Variants in DOCK1 observed in about 807,000 individuals in gnomAD.
DOCK1 encodes dedicator of cytokinesis protein 1.
DOCK1 carries 138 observed loss-of-function variants against 262.7 expected under a neutral mutation model. The observed-to-expected ratio is 0.53, with a 90% CI of 0.46 to 0.61. DOCK1 has a LOEUF of 0.61. DOCK1 is among the 20% of genes least tolerant of loss of function. The pLI, the probability that DOCK1 is intolerant of heterozygous loss-of-function variation, is 0.00. For synonymous variants in DOCK1, 866 were observed against 867.4 expected (o/e 1.00, Z 0.03); for missense variants, 1,908 against 2,370.7 (o/e 0.80, Z 4.05).
intron 38 of DOCK1, among the ~76,000 whole-genome samples, chr10:127,400,227 A>C (rs998096111): frequency 6.6e-6 from 1 of 150,944 alleles, no homozygotes; most frequent in Admixed American, 6.6e-5. Context: ...CGTGGCTATG[A>C]CAAGAGTACT....
intron 33 of DOCK1, among the ~76,000 whole-genome samples, chr10:127,373,226 C>G (rs986403517): frequency 6.6e-6 from 1 of 152,176 alleles, no homozygotes; most frequent in Non-Finnish European, 1.5e-5. Flanking sequence ...GATGGACCTT[C>G]TTGAGGTGCC....
chr10:127,039,701 G>T (rs1457137392), intron 19 of DOCK1, among the ~76,000 whole-genome samples: 4 of 152,172 alleles, frequency 2.6e-5, no homozygotes, highest in Non-Finnish European at 5.9e-5. Flanking sequence ...ATTCCTGCCT[G>T]CACGGGGCTC....
intron 51 of DOCK1, among the ~76,000 whole-genome samples, chr10:127,449,625 G>A (rs2070824338): frequency 6.6e-6 from 1 of 152,172 alleles, no homozygotes; most frequent in African/African-American, 2.4e-5. Context: ...ATGCTCAGGT[G>A]ACACGCTGGT....
intron 27 of DOCK1, among the ~76,000 whole-genome samples, chr10:127,213,353 G>A (rs1046814553): frequency 2.6e-5 from 4 of 152,158 alleles, no homozygotes; most frequent in African/African-American, 9.7e-5. Flanking sequence ...GCTTTGGAAA[G>A]GTTCTATGCC....
At chr10:127,035,951 G>A (rs2043567885) in intron 18 of DOCK1, among the ~76,000 whole-genome samples, 1 of 151,682 alleles carries the variant, frequency 6.6e-6, no homozygotes, top group Non-Finnish European at 1.5e-5. Flanking sequence ...GCATTGAGCT[G>A]TGGTTGTGCT....
chr10:127,184,941 A>G (rs2056090904), intron 27 of DOCK1, among the ~76,000 whole-genome samples: 1 of 152,158 alleles, frequency 6.6e-6, no homozygotes, highest in South Asian at 2.1e-4. Context: ...ACAGGAAAAA[A>G]CAAGGCATAC....
chr10:127,004,772 A>ACCCCCCCCTCCCCCCCCC (rs1341119813), intron 10 of DOCK1, among the ~76,000 whole-genome samples: 1 of 15,008 alleles, frequency 6.7e-5, no homozygotes, highest in Non-Finnish European at 1.4e-4. Flanking sequence ...CTGCCCCGCC[A>ACCCCCCCCTCCCCCCCCC]CCCCCCCGCC....
At chr10:127,353,656 C>T (rs1330568275) in intron 31 of DOCK1, among the ~76,000 whole-genome samples, 2 of 152,196 alleles carry the variant, frequency 1.3e-5, no homozygotes, top group East Asian at 3.9e-4. Flanking sequence ...TTTTCTTCAC[C>T]AGCACTGTGG....
chr10:127,242,906 G>A lies in DOCK1; in HGVS notation c.2848-5102G>A, dbSNP rs11016888. ...CTTTTATTGAAACCGGGCACCTACC[G>A]TCCACACTCGTCACTCCTGTGTCTC... is the stretch of plus-strand genomic sequence containing the variant. On this transcript the variant is annotated intron_variant, in intron 27 of 51. Coordinates refer to ENST00000623213, the MANE Select transcript of DOCK1 (RefSeq NM_001290223.2). Among the ~76,000 whole-genome samples the A allele has an allele frequency of 7.4e-3, 1,129 of 152,118 alleles. 12 individuals carry two copies. The highest frequency in any genetic ancestry group is 0.011 in the Non-Finnish European group (750 of 67,994).
intron 29 of DOCK1, among the ~76,000 whole-genome samples, chr10:127,330,855 G>A (rs148139851): frequency 1.3e-5 from 2 of 152,208 alleles, no homozygotes; most frequent in South Asian, 4.1e-4. Flanking sequence ...ATGCCTCTTC[G>A]TGGGTCCCGT....
chr10:127,250,167 T>A (rs1382778640), intron 28 of DOCK1, among the ~76,000 whole-genome samples: 1 of 152,222 alleles, frequency 6.6e-6, no homozygotes, highest in Non-Finnish European at 1.5e-5. Context: ...GAAGAATTAC[T>A]CACCTGGAAA....
At chr10:127,087,679 G>A (rs1397611952) in intron 23 of DOCK1, among the ~76,000 whole-genome samples, 1 of 152,118 alleles carries the variant, frequency 6.6e-6, no homozygotes, top group East Asian at 1.9e-4. Context: ...CCTTGATGAG[G>A]TTACTCTGAT....
intron 27 of DOCK1, among the ~76,000 whole-genome samples, chr10:127,130,379 C>A (rs2050250714): frequency 6.6e-6 from 1 of 152,146 alleles, no homozygotes; most frequent in African/African-American, 2.4e-5. Flanking sequence ...AGCCACCATG[C>A]CCAGCCTTAT....
chr10:127,412,860 C>T (rs1341975324), intron 43 of DOCK1, among the ~76,000 whole-genome samples: 1 of 152,224 alleles, frequency 6.6e-6, no homozygotes, highest in Non-Finnish European at 1.5e-5. Flanking sequence ...GTGAAATCTG[C>T]AGTATTGTGC....
intron 27 of DOCK1, among the ~76,000 whole-genome samples, chr10:127,189,831 CAA>C (rs1371645565): frequency 1.3e-5 from 2 of 152,140 alleles, no homozygotes; most frequent in African/African-American, 4.8e-5. Flanking sequence ...GAAAAAAAGA[CAA>C]AAATAATCTT....
At chr10:126,954,466 G>T (rs1381062528) in intron 1 of DOCK1, among the ~76,000 whole-genome samples, 1 of 152,188 alleles carries the variant, frequency 6.6e-6, no homozygotes, top group African/African-American at 2.4e-5. Flanking sequence ...ACCATTTTTA[G>T]GTGTACAGTT....
At chr10:127,150,212 A>C (rs2133447982) in intron 27 of DOCK1, among the ~76,000 whole-genome samples, 1 of 152,280 alleles carries the variant, frequency 6.6e-6, no homozygotes, top group East Asian at 1.9e-4. Flanking sequence ...TGCCCAAGGA[A>C]CTCACTGGGT....
rs1479611047 is a variant in DOCK1 at position 127,024,891 on chromosome 10, A to G, written c.1551+108A>G. ...CCTCAGCCCGGGAGCTGCTCCAGGCAGGCAGAGTGTCTCCCAACAAAGTCA... is the reference window on the plus strand; with the variant it reads ...CCTCAGCCCGGGAGCTGCTCCAGGCGGGCAGAGTGTCTCCCAACAAAGTCA... On this transcript the variant is annotated intron_variant, in intron 15 of 51. Transcript: ENST00000623213. 4 of 895,432 alleles carry G rather than the reference A, an allele frequency of 4.5e-6. No individual in the cohort carries two copies. In the African/African-American group the frequency reaches 5.0e-5, roughly 11 times the overall value. 55.5% of individuals were successfully genotyped at this position (895,432 alleles called of 1,614,324 possible).
chr10:127,063,822 G>A (rs1405638634), intron 23 of DOCK1, among the ~76,000 whole-genome samples: 5 of 152,140 alleles, frequency 3.3e-5, no homozygotes, highest in African/African-American at 4.8e-5. Flanking sequence ...ACTAGGGACC[G>A]GGAAGACCAT....
Sources: gnomAD v4.1 joint callset for allele counts (sites outside exome capture counted in the v4.1 genomes callset) on GRCh38, gnomAD v4.1.1 for gene constraint, MANE v1.5 for transcripts, NCBI Gene and HGNC (gene_info 2026-07-23, HGNC 2026-07-21) for gene names.